The following CNTN1 variants were observed in gnomAD, a reference collection of about 807,000 sequenced individuals.
CNTN1 encodes contactin 1.
CNTN1 carries 38 observed loss-of-function variants against 126.4 expected under a neutral mutation model. The ratio of observed to expected loss-of-function variants is 0.30; its 90% CI spans 0.23 to 0.39. The LOEUF is 0.39. CNTN1 is among the 10% of genes least tolerant of loss of function. The pLI, the probability that CNTN1 is intolerant of heterozygous loss-of-function variation, is 1.00. For missense variants in CNTN1, 1,009 were observed against 1,248.4 expected (o/e 0.81, Z 2.89); for synonymous variants, 413 against 422.6 (o/e 0.98, Z 0.28).
chr12:41,040,694 C>G (rs1258800550), intron 23 of CNTN1, among the ~76,000 whole-genome samples: 1 of 151,946 alleles, frequency 6.6e-6, no homozygotes, highest in Non-Finnish European at 1.5e-5. Flanking sequence ...TGGGAGTTCA[C>G]TCATGATTTG....
At chr12:40,978,123 G>A (rs1035681084) in intron 15 of CNTN1, among the ~76,000 whole-genome samples, 1 of 151,828 alleles carries the variant, frequency 6.6e-6, no homozygotes, top group Non-Finnish European at 1.5e-5. Context: ...CTATATGTTC[G>A]GTTTTTATTA....
chr12:40,835,516 A>G (rs1353633047), intron 1 of CNTN1, among the ~76,000 whole-genome samples: 1 of 152,024 alleles, frequency 6.6e-6, no homozygotes, highest in Non-Finnish European at 1.5e-5. Context: ...ACTGTCAACT[A>G]TGTTTCTCAG....
intron 1 of CNTN1, among the ~76,000 whole-genome samples, chr12:40,722,494 T>G (rs894225952): frequency 6.6e-6 from 1 of 152,190 alleles, no homozygotes; most frequent in Admixed American, 6.6e-5. Context: ...ATATTGTCCA[T>G]GTCTTCAAGC....
chr12:40,986,756 G>A (rs1396558649), intron 16 of CNTN1, among the ~76,000 whole-genome samples: 3 of 152,116 alleles, frequency 2.0e-5, no homozygotes, highest in Non-Finnish European at 4.4e-5. Flanking sequence ...GCAGAGGGAA[G>A]TCTTTTTTGG....
intron 1 of CNTN1, among the ~76,000 whole-genome samples, chr12:40,883,000 A>T (rs937387998): frequency 6.6e-6 from 1 of 151,596 alleles, no homozygotes; most frequent in Non-Finnish European, 1.5e-5. Flanking sequence ...TTCAGTAATT[A>T]TTCCAGAATA....
chr12:40,967,908 A>C (rs1947364773), intron 15 of CNTN1, among the ~76,000 whole-genome samples: 1 of 150,796 alleles, frequency 6.6e-6, no homozygotes, highest in African/African-American at 2.4e-5. Flanking sequence ...TTTAATATAT[A>C]ATGACAGAAT....
chr12:41,065,302 G>T (rs776711083), intron 23 of CNTN1, among the ~76,000 whole-genome samples: 9 of 152,136 alleles, frequency 5.9e-5, no homozygotes, highest in African/African-American at 1.7e-4. Flanking sequence ...TGATCCACCC[G>T]CCTGGGCCTC....
At chr12:40,731,288 AT>A (rs1202946820) in intron 1 of CNTN1, among the ~76,000 whole-genome samples, 1 of 152,054 alleles carries the variant, frequency 6.6e-6, no homozygotes. Flanking sequence ...TCCCTTAACA[AT>A]AAAGCAAATA....
At chr12:40,901,846 CT>C (rs1275612064) in intron 1 of CNTN1, among the ~76,000 whole-genome samples, 2 of 152,166 alleles carry the variant, frequency 1.3e-5, no homozygotes, top group Admixed American at 6.5e-5. Context: ...TATTTGACCA[CT>C]GCAATAAGCT....
intron 14 of CNTN1, among the ~76,000 whole-genome samples, chr12:40,948,514 T>C (rs958603596): frequency 6.6e-6 from 1 of 152,092 alleles, no homozygotes; most frequent in Non-Finnish European, 1.5e-5. Flanking sequence ...GTGCATATTA[T>C]TGTGATTTTC....
At chr12:40,910,206 G>A (rs1944977568) in intron 3 of CNTN1, 101 bp downstream of exon 3, 1 of 940,488 alleles carries the variant, frequency 1.1e-6, no homozygotes. Flanking sequence ...TAAGGCAAAT[G>A]GTTAATGTTA....
chr12:40,753,153 C>T (rs1373788904), intron 1 of CNTN1, among the ~76,000 whole-genome samples: 1 of 152,118 alleles, frequency 6.6e-6, no homozygotes, highest in African/African-American at 2.4e-5. Flanking sequence ...GTAATTTTGA[C>T]CAATTCCCAC....
At chr12:41,026,782 G>T (rs997272435) in intron 21 of CNTN1, among the ~76,000 whole-genome samples, 3 of 152,108 alleles carry the variant, frequency 2.0e-5, no homozygotes, top group Non-Finnish European at 4.4e-5. Flanking sequence ...TTATGATGTT[G>T]TTTTTAAAAA....
chr12:41,064,605 A>G (rs114539991), intron 23 of CNTN1, among the ~76,000 whole-genome samples: 2,446 of 152,238 alleles, frequency 0.016, 70 homozygotes, highest in African/African-American at 0.053. Context: ...CCATGGGGTG[A>G]TAGAGTTGCG....
intron 1 of CNTN1, among the ~76,000 whole-genome samples, chr12:40,833,154 G>A (rs1235967539): frequency 2.6e-5 from 4 of 152,190 alleles, no homozygotes; most frequent in African/African-American, 7.2e-5. Context: ...GAGTGCAATG[G>A]TGCAATCTCG....
In CNTN1 at chr12:40,936,739, T is replaced by C. The variant is rs751259021; in HGVS notation, c.986-42T>C. 2.5e-6 allele frequency: 4 copies of C among 1,609,024 alleles called. No individual in the cohort carries two copies. In the South Asian group the frequency reaches 4.4e-5, roughly 18 times the overall value. ...ATACTCTGGAGATTATGATGGATCT[T>C]GAGCCCTTCATTTAACATTTACAAT... On this transcript the variant is annotated intron_variant, in intron 9 of 23. Coordinates refer to ENST00000551295, the MANE Select transcript of CNTN1 (RefSeq NM_001843.4).
intron 1 of CNTN1, among the ~76,000 whole-genome samples, chr12:40,758,098 A>G (rs556186486): frequency 6.7e-6 from 1 of 149,820 alleles, no homozygotes; most frequent in Non-Finnish European, 1.5e-5. Flanking sequence ...AGAGAAAGAA[A>G]TTTTTTCCAC....
At chr12:40,851,293 C>T (rs1942706399) in intron 1 of CNTN1, among the ~76,000 whole-genome samples, 1 of 152,204 alleles carries the variant, frequency 6.6e-6, no homozygotes, top group South Asian at 2.1e-4. Flanking sequence ...TTTTCTCTTT[C>T]CCTCTCATTG....
intron 23 of CNTN1, among the ~76,000 whole-genome samples, chr12:41,033,607 A>AT (rs1204104397): frequency 1.3e-5 from 2 of 152,170 alleles, no homozygotes; most frequent in African/African-American, 4.8e-5. Flanking sequence ...GTCATTTGAA[A>AT]TTTTTAAGGT....
Sources: allele counts gnomAD v4.1 joint callset (sites outside exome capture counted in the v4.1 genomes callset), GRCh38; gene constraint gnomAD v4.1.1; transcripts MANE v1.5; gene names NCBI Gene and HGNC (gene_info 2026-07-23, HGNC 2026-07-21).